ZBTB20: variants seen among roughly 807,000 people sequenced by gnomAD.
ZBTB20 encodes the protein zinc finger and BTB domain-containing protein 20.
Under a neutral mutation model 56.9 loss-of-function variants are expected in ZBTB20, and 9 were observed. The ratio of observed to expected loss-of-function variants is 0.16; its 90% CI spans 0.10 to 0.28. The LOEUF (loss-of-function observed/expected upper bound fraction) is 0.28, where lower values mean the gene tolerates loss of function less well. Among genes scored for constraint, ZBTB20 ranks in the 10% least tolerant of loss-of-function variants. The pLI is 1.00. For synonymous variants in ZBTB20, 417 were observed against 420.7 expected (o/e 0.99, Z 0.11); for missense variants, 655 against 1,003.0 (o/e 0.65, Z 4.69).
Position 115,118,572 on chromosome 3 carries a change from A to G in ZBTB20, c.-703+28647T>C, listed in dbSNP as rs527594712. On this transcript the variant is annotated intron_variant, in intron 1 of 11. Coordinates refer to ENST00000675478, the MANE Select transcript of ZBTB20 (RefSeq NM_001348800.3). ...AAAAAAAAAGTCCTCACCAGAACTAACCGTTTTACACTAAGAAAGTGACAT... is the reference window on the plus strand; with the variant it reads ...AAAAAAAAAGTCCTCACCAGAACTAGCCGTTTTACACTAAGAAAGTGACAT... Among the ~76,000 whole-genome samples, 3 of 152,290 alleles carry G rather than the reference A, an allele frequency of 2.0e-5. No individual in the cohort carries two copies. In the South Asian group the frequency reaches 6.2e-4, roughly 32 times the overall value.
chr3:114,366,612 G>A (rs1651106716), intron 10 of ZBTB20: 1 of 152,192 alleles, frequency 6.6e-6, no homozygotes, highest in Admixed American at 6.5e-5. Flanking sequence ...GTACAGTCTA[G>A]TTTGGCTTTC....
rs557933359 is a variant in ZBTB20 at position 114,429,601 on chromosome 3, C to T, written c.-254-40496G>A. On this transcript the variant is annotated intron_variant, in intron 7 of 11. Transcript: ENST00000675478. ...ATGAAACTAAGAATAAGGCAGAGAA[C>T]GTTGCTAAGTCATGCTTCTTTCAGA... is the stretch of plus-strand genomic sequence containing the variant. Among the ~76,000 whole-genome samples, 20 of 152,190 alleles carry T rather than the reference C, an allele frequency of 1.3e-4. No homozygotes were observed. The South Asian group carries it at 1.5e-3, about 11-fold the overall frequency.
intron 6 of ZBTB20, among the ~76,000 whole-genome samples, chr3:114,615,576 A>T (rs894670692): frequency 2.6e-5 from 4 of 152,318 alleles, no homozygotes; most frequent in Admixed American, 2.6e-4. Flanking sequence ...AAGAAACAAG[A>T]ACTCCTGTAC....
intron 7 of ZBTB20, among the ~76,000 whole-genome samples, chr3:114,413,775 T>C (rs1406920660): frequency 1.3e-5 from 2 of 152,064 alleles, no homozygotes; most frequent in Non-Finnish European, 2.9e-5. Flanking sequence ...ATATTACAGA[T>C]GAGAGAAGTA....
intron 6 of ZBTB20, among the ~76,000 whole-genome samples, chr3:114,647,469 T>G (rs1306109185): frequency 6.6e-6 from 1 of 152,202 alleles, no homozygotes; most frequent in Admixed American, 6.5e-5. Flanking sequence ...CTTGGAGTTC[T>G]CAAAAGTCCA....
At chr3:115,138,760 G>A (rs2084726218) in intron 1 of ZBTB20, among the ~76,000 whole-genome samples, 1 of 152,074 alleles carries the variant, frequency 6.6e-6, no homozygotes, top group Admixed American at 6.6e-5. Flanking sequence ...CTGCAACAAA[G>A]TAAGATCTCA....
rs541291506 is a variant in ZBTB20, at chr3:114,532,731, C to G, written c.-294-32340G>C. On this transcript the variant is annotated intron_variant, in intron 6 of 11. Coordinates refer to ENST00000675478, the MANE Select transcript of ZBTB20 (RefSeq NM_001348800.3). ...AGCAGGGGTCAATAGACAGCTCATA[C>G]AGGAGAGCTCTGGGTGGCATCTGGT... Among the ~76,000 whole-genome samples, 9 of 152,304 alleles carry G rather than the reference C, an allele frequency of 5.9e-5. No individual in the cohort carries two copies. In the East Asian group the frequency reaches 1.7e-3, roughly 30 times the overall value.
At chr3:115,114,436 G>A (rs2177039) in intron 1 of ZBTB20, among the ~76,000 whole-genome samples, 19,646 of 152,080 alleles carry the variant, frequency 0.13, 1,921 homozygotes, top group East Asian at 0.59. Context: ...GGCCAATTAT[G>A]TAAAATACTT....
chr3:115,072,113 C>A (rs2082430810), intron 1 of ZBTB20, among the ~76,000 whole-genome samples: 1 of 152,062 alleles, frequency 6.6e-6, no homozygotes, highest in Admixed American at 6.6e-5. Flanking sequence ...TGCAATTCAC[C>A]CACATTTAAA....
intron 4 of ZBTB20, among the ~76,000 whole-genome samples, chr3:114,880,979 G>C (rs1368668960): frequency 6.6e-6 from 1 of 151,754 alleles, no homozygotes; most frequent in Non-Finnish European, 1.5e-5. Flanking sequence ...CACTGATAGC[G>C]TACTACTTTT....
At chr3:114,426,144 G>C (rs1253935781) in intron 7 of ZBTB20, among the ~76,000 whole-genome samples, 3 of 151,940 alleles carry the variant, frequency 2.0e-5, no homozygotes, top group Non-Finnish European at 2.9e-5. Context: ...GACCATCCTG[G>C]CTAACACGGT....
chr3:115,080,796 G>T (rs1008980613), intron 1 of ZBTB20, among the ~76,000 whole-genome samples: 1 of 152,066 alleles, frequency 6.6e-6, no homozygotes, highest in Non-Finnish European at 1.5e-5. Flanking sequence ...AGATCTGCTA[G>T]TTGATTATAA....
intron 7 of ZBTB20, among the ~76,000 whole-genome samples, chr3:114,462,122 G>T (rs1282385596): frequency 2.6e-5 from 4 of 152,126 alleles, no homozygotes; most frequent in Non-Finnish European, 4.4e-5. Flanking sequence ...CAACCTCAGG[G>T]TTATTATTGT....
At chr3:114,579,286 T>TA (rs143807112) in intron 6 of ZBTB20, among the ~76,000 whole-genome samples, 2,320 of 151,596 alleles carry the variant, frequency 0.015, 60 homozygotes, top group African/African-American at 0.053. Flanking sequence ...AAATAAATAA[T>TA]AAAAATAGAG....
intron 6 of ZBTB20, chr3:114,623,995 G>A (rs2058496907): frequency 6.6e-6 from 1 of 152,184 alleles, no homozygotes. Flanking sequence ...CTGTTTGGTA[G>A]TATTTCTTTA....
At position 114,351,382 on chromosome 3, in the gene ZBTB20, C is replaced by T. The variant is rs772639963; in HGVS notation, c.696G>A (p.Leu232=). The T allele has an allele frequency of 5.0e-6, 8 of 1,611,812 alleles. No homozygotes were observed. Among genetic ancestry groups the T allele is most frequent in the Non-Finnish European group, 6.8e-6 (8 of 1,179,822 alleles). Residue 232 remains leucine (L), a synonymous_variant, in exon 11 of 12, where the codon CTG becomes CTA. Transcript: ENST00000675478. The part of the protein sequence containing the change: ...GQSSDTESGY[L]QSHPQHSVDR... ...CCACGCTGTGCTGTGGGTGGCTCTG[C>T]AGGTAGCCCGACTCCGTGTCGCTGC...
chr3:115,027,534 C>A (rs1019384336), intron 2 of ZBTB20: 2 of 150,906 alleles, frequency 1.3e-5, no homozygotes, highest in African/African-American at 4.8e-5. Context: ...CCAAAGGCTT[C>A]TTGACTATAT....
chr3:114,739,123 A>G (rs1415817333), intron 5 of ZBTB20, among the ~76,000 whole-genome samples: 1 of 152,178 alleles, frequency 6.6e-6, no homozygotes, highest in Non-Finnish European at 1.5e-5. Flanking sequence ...AGAATGGGCC[A>G]TACCTGGGTG....
chr3:114,855,561 G>T (rs1490474733), intron 4 of ZBTB20, among the ~76,000 whole-genome samples: 5 of 152,180 alleles, frequency 3.3e-5, no homozygotes, highest in Non-Finnish European at 7.3e-5. Flanking sequence ...GGAGAAAGGG[G>T]AAGGTAAACC....
Sources: gnomAD v4.1 joint callset for allele counts (sites outside exome capture counted in the v4.1 genomes callset) on GRCh38, gnomAD v4.1.1 for gene constraint, MANE v1.5 for transcripts, NCBI Gene and HGNC (gene_info 2026-07-23, HGNC 2026-07-21) for gene names.